Variants in CCDC170 observed in about 807,000 individuals in gnomAD.
CCDC170 encodes the protein coiled-coil domain containing 170.
A neutral mutation model predicts 72.6 loss-of-function variants in CCDC170; 69 were observed. That is an observed-to-expected ratio of 0.95 (90% confidence interval 0.78 to 1.16). The LOEUF is 1.16. Among genes scored for constraint, CCDC170 ranks in the 50% most tolerant of loss-of-function variants. The probability of loss-of-function intolerance (pLI) is 0.00; values close to 1 mark genes in which losing one functional copy is unlikely to be tolerated. For synonymous variants in CCDC170, 300 were observed against 303.9 expected, an observed-to-expected ratio of 0.99 and a Z score of 0.13; for missense variants, 852 against 832.5, an observed-to-expected ratio of 1.02 and a Z score of -0.29.
At chr6:151,596,627 T>A (rs1231262793) in intron 9 of CCDC170, 50 bp downstream of exon 9, 1 of 1,596,360 alleles carries the variant, frequency 6.3e-7, no homozygotes, top group Non-Finnish European at 8.5e-7. Flanking sequence ...TTACTGTCAA[T>A]GTTTTATGCA....
At chr6:151,515,685 T>A (rs1782224328) in intron 1 of CCDC170, among the ~76,000 whole-genome samples, 2 of 152,084 alleles carry the variant, frequency 1.3e-5, no homozygotes, top group African/African-American at 4.8e-5. Context: ...GGTGGTAGAC[T>A]CTCCTGAAAA....
In CCDC170 at chr6:151,536,333, C is replaced by A. The variant is rs375681294; in HGVS notation, c.73C>A (p.Leu25Ile). 233 of 1,613,872 alleles carry A rather than the reference C, an allele frequency of 1.4e-4. 1 individual carries two copies. The Middle Eastern group carries it at 2.0e-3, about 14-fold the overall frequency. The change falls in exon 2 of 11, where the codon CTT (leucine) becomes ATT (isoleucine). Residue 25 changes from leucine to isoleucine, a missense_variant. Leu to Ile is a conservative substitution (Grantham distance 5, BLOSUM62 2). Transcript: ENST00000239374. ...ATTCTACCAGGAAACTTACGATCAT[C>A]TTTCGGAAGTCCCGGTCACGCGGGA... The part of the protein sequence containing the change: ...SPAPEETYDH[L>I]SEVPVTREQL...
At chr6:151,520,549 C>G (rs2115033019) in intron 1 of CCDC170, among the ~76,000 whole-genome samples, 1 of 152,328 alleles carries the variant, frequency 6.6e-6, no homozygotes, top group Admixed American at 6.5e-5. Context: ...TCCTTCTTGC[C>G]TGGGGACTAG....
intron 6 of CCDC170, among the ~76,000 whole-genome samples, 188 bp from the exon 7 acceptor site, chr6:151,585,701 A>G (rs1776441574): frequency 6.6e-6 from 1 of 152,262 alleles, no homozygotes; most frequent in Non-Finnish European, 1.5e-5. Flanking sequence ...ATTTAATTCA[A>G]TAATGAAAGT....
intron 3 of CCDC170, 66 bp downstream of exon 3, chr6:151,538,367 T>C: frequency 2.1e-6 from 3 of 1,462,458 alleles, no homozygotes; most frequent in South Asian, 1.2e-5. Flanking sequence ...GATAGCAAGA[T>C]ATGTCTTTGA....
Position 151,499,502 on chromosome 6 carries a change from A to G in CCDC170, c.57+5317A>G, listed in dbSNP as rs796446316. Among the ~76,000 whole-genome samples, 10 of 98,562 alleles carry G rather than the reference A, an allele frequency of 1.0e-4. 1 individual carries two copies. Among genetic ancestry groups the G allele is most frequent in the South Asian group, 3.3e-4 (1 of 3,036 alleles). The allele number at this position is 98,562 out of a possible 152,430, so 64.7% of individuals were successfully genotyped here. On this transcript the variant is annotated intron_variant, in intron 1 of 10. Transcript: ENST00000239374. ...TATTTGACTATTCTAGGCACTCTGT[A>G]TAAGTGGAATCAGACTGTATTTGAC...
At chr6:151,552,560 G>A (rs1336785983) in intron 5 of CCDC170, among the ~76,000 whole-genome samples, 1 of 151,998 alleles carries the variant, frequency 6.6e-6, no homozygotes, top group Non-Finnish European at 1.5e-5. Context: ...GGACACATGG[G>A]TTTTTATTTA....
At chr6:151,543,063 G>T (rs955275716) in intron 3 of CCDC170, among the ~76,000 whole-genome samples, 3 of 151,924 alleles carry the variant, frequency 2.0e-5, no homozygotes, top group Admixed American at 6.6e-5. Context: ...AAAAGGAAAA[G>T]CAATAATCAT....
At chr6:151,507,993 A>G (rs115177553) in intron 1 of CCDC170, among the ~76,000 whole-genome samples, 2 of 152,126 alleles carry the variant, frequency 1.3e-5, no homozygotes, top group Non-Finnish European at 2.9e-5. Flanking sequence ...TAGGTGATAG[A>G]TAATAGAAAA....
intron 6 of CCDC170, among the ~76,000 whole-genome samples, chr6:151,582,502 A>C (rs1776392828): frequency 6.6e-6 from 1 of 152,228 alleles, no homozygotes; most frequent in Admixed American, 6.5e-5. Context: ...AGACCACTCA[A>C]ACTTTCTCCA....
chr6:151,596,471 T>C lies in CCDC170; in HGVS notation c.1604T>C (p.Ile535Thr), dbSNP rs762934786. 8.1e-6 allele frequency: 13 copies of C among 1,613,826 alleles called. No homozygotes were observed. In the Admixed American group the frequency reaches 2.2e-4, roughly 27 times the overall value. Residue 535 changes from isoleucine to threonine, a missense_variant, in exon 9 of 11, where the codon ATC (isoleucine) becomes ACC (threonine). Coordinates refer to ENST00000239374, the MANE Select transcript of CCDC170 (RefSeq NM_025059.4). ...GAGAGGGACAACGCGCATCTTACCA[T>C]CAGGAACTTGCAGAAGAAGGTGGAG... Reference protein sequence around the residue: ...VVERDNAHLTIRNLQKKVERL... With the variant: ...VVERDNAHLTTRNLQKKVERL...
intron 4 of CCDC170, among the ~76,000 whole-genome samples, chr6:151,546,152 C>T (rs1055235841): frequency 5.9e-5 from 9 of 152,118 alleles, no homozygotes; most frequent in Non-Finnish European, 8.8e-5. Flanking sequence ...CTCTGAAAGC[C>T]GCAAGATGAC....
chr6:151,557,057 A>G (rs1782990387), intron 5 of CCDC170, among the ~76,000 whole-genome samples: 1 of 152,132 alleles, frequency 6.6e-6, no homozygotes, highest in South Asian at 2.1e-4. Flanking sequence ...TGCAAATTAC[A>G]TGATTTCATT....
chr6:151,543,616 C>T (rs950080310), intron 3 of CCDC170, among the ~76,000 whole-genome samples: 2 of 152,120 alleles, frequency 1.3e-5, no homozygotes, highest in Admixed American at 6.5e-5. Flanking sequence ...CTCCCTGTAT[C>T]CTCCTTCATC....
At chr6:151,550,935 A>C (rs1782867848) in intron 5 of CCDC170, among the ~76,000 whole-genome samples, 1 of 152,218 alleles carries the variant, frequency 6.6e-6, no homozygotes, top group Non-Finnish European at 1.5e-5. Context: ...AGGACTTCAA[A>C]GTATGAATTT....
At position 151,537,204 on chromosome 6, in the gene CCDC170, G is replaced by A. The variant is rs991919224; in HGVS notation, c.186+758G>A. Among the ~76,000 whole-genome samples the A allele has an allele frequency of 7.2e-5, 11 of 152,142 alleles. 1 individual carries two copies. Among genetic ancestry groups the A allele is most frequent in the Non-Finnish European group, 1.2e-4 (8 of 68,024 alleles). ...ATCCATCTACCCTGTAGGCTAGCTC[G>A]GGTTTAGAGTGGAGTTTCTGAGAGT... On this transcript the variant is annotated intron_variant, in intron 2 of 10. Transcript: ENST00000239374.
intron 1 of CCDC170, among the ~76,000 whole-genome samples, chr6:151,531,774 G>GAAGA (rs1445788795): frequency 1.3e-5 from 2 of 152,270 alleles, no homozygotes; most frequent in African/African-American, 4.8e-5. Flanking sequence ...GGCAGAAGGG[G>GAAGA]AAGAAAATAC....
chr6:151,508,578 T>C lies in CCDC170; in HGVS notation c.57+14393T>C, dbSNP rs149427653. On this transcript the variant is annotated intron_variant, in intron 1 of 10. Transcript: ENST00000239374. The stretch of plus-strand genomic sequence containing the variant: ...AACCCCAAAAATTAGCCGGGAGTGG[T>C]AGCGTGTGCCTGTAATCCCAGCTAC... Among the ~76,000 whole-genome samples the C allele has an allele frequency of 8.2e-3, 1,241 of 151,426 alleles. 24 individuals carry two copies. Among genetic ancestry groups the C allele is most frequent in the African/African-American group, 0.029 (1,175 of 41,220 alleles).
chr6:151,599,778 G>A (rs9383587), intron 9 of CCDC170, among the ~76,000 whole-genome samples: 60,814 of 151,900 alleles, frequency 0.4, 17,296 homozygotes, highest in African/African-American at 0.78. Context: ...TCAAGCATGT[G>A]CGGATCATGG....
Sources: gnomAD v4.1 joint callset for allele counts (sites outside exome capture counted in the v4.1 genomes callset) on GRCh38, gnomAD v4.1.1 for gene constraint, MANE v1.5 for transcripts, NCBI Gene and HGNC (gene_info 2026-07-23, HGNC 2026-07-21) for gene names.